Variants in PRKCA observed in about 807,000 individuals in gnomAD.
PRKCA encodes protein kinase C alpha.
In PRKCA, 27 loss-of-function variants were observed where a neutral mutation model predicts 87.0. The ratio of observed to expected loss-of-function variants is 0.31; its 90% CI spans 0.23 to 0.43. The LOEUF (loss-of-function observed/expected upper bound fraction) is 0.43. Among genes scored for constraint, PRKCA ranks in the 20% least tolerant of loss-of-function variants. The probability of loss-of-function intolerance (pLI) is 1.00; values close to 1 mark genes in which losing one functional copy is unlikely to be tolerated. For synonymous variants in PRKCA, 329 were observed against 311.1 expected (o/e 1.06, Z -0.61); for missense variants, 518 against 852.3 (o/e 0.61, Z 4.88).
At chr17:66,340,472 CAG>C (rs952706551) in intron 2 of PRKCA, among the ~76,000 whole-genome samples, 4 of 149,368 alleles carry the variant, frequency 2.7e-5, no homozygotes, top group South Asian at 2.1e-4. Context: ...TCAGAGCAGA[CAG>C]GGGTCCATAA....
intron 3 of PRKCA, among the ~76,000 whole-genome samples, chr17:66,583,497 T>C (rs571341526): frequency 1.3e-5 from 2 of 152,290 alleles, no homozygotes; most frequent in South Asian, 4.1e-4. Context: ...ATGGTCAGTT[T>C]CCTTTAGGGA....
intron 3 of PRKCA, among the ~76,000 whole-genome samples, chr17:66,536,857 G>GC (rs1184719543): frequency 2.4e-4 from 37 of 152,292 alleles, no homozygotes; most frequent in Admixed American, 8.5e-4. Context: ...ATCAGATTGA[G>GC]CACCATGTGG....
At chr17:66,425,729 A>G (rs1332002149) in intron 2 of PRKCA, among the ~76,000 whole-genome samples, 2 of 152,140 alleles carry the variant, frequency 1.3e-5, no homozygotes, top group Non-Finnish European at 1.5e-5. Context: ...TTCAGTTAGC[A>G]TATTATTTGT....
intron 2 of PRKCA, among the ~76,000 whole-genome samples, chr17:66,333,051 G>A (rs939598365): frequency 2.6e-5 from 4 of 152,122 alleles, no homozygotes; most frequent in African/African-American, 9.7e-5. Flanking sequence ...TTTATAGGAC[G>A]CTTAAGTGTT....
chr17:66,778,379 G>A (rs1313531629), intron 14 of PRKCA: 4 of 292,826 alleles, frequency 1.4e-5, no homozygotes, highest in Non-Finnish European at 2.0e-5. Flanking sequence ...AGCCGAGTGT[G>A]GTGGCGGGCG....
intron 3 of PRKCA, among the ~76,000 whole-genome samples, chr17:66,627,315 GA>G (rs113247411): frequency 3.5e-4 from 53 of 152,120 alleles, no homozygotes; most frequent in South Asian, 1.0e-3. Flanking sequence ...GGGTTGGGGG[GA>G]ATGTATCAAT....
intron 13 of PRKCA, among the ~76,000 whole-genome samples, chr17:66,759,442 A>T (rs1974631498): frequency 6.6e-6 from 1 of 152,050 alleles, no homozygotes. Flanking sequence ...GAAAAAAGGA[A>T]GTCACTGATA....
intron 2 of PRKCA, among the ~76,000 whole-genome samples, chr17:66,347,941 C>CTTTTTTTTTTTTTTTTTTTTGTTT (rs57292153): frequency 1.8e-5 from 1 of 56,440 alleles, no homozygotes; most frequent in Non-Finnish European, 3.3e-5. Context: ...AATTCTGAAC[C>CTTTTTTTTTTTTTTTTTTTTGTTT]TTTTTTTTTT....
intron 2 of PRKCA, among the ~76,000 whole-genome samples, chr17:66,354,410 G>T (rs183024100): frequency 1.3e-5 from 2 of 152,340 alleles, no homozygotes; most frequent in East Asian, 3.9e-4. Flanking sequence ...AATACTGTTG[G>T]TGGTGTAAAT....
intron 2 of PRKCA, among the ~76,000 whole-genome samples, chr17:66,423,044 G>A (rs923075748): frequency 6.6e-6 from 1 of 152,120 alleles, no homozygotes; most frequent in African/African-American, 2.4e-5. Context: ...CAGGGAGGTG[G>A]AGGTTGCAGT....
At chr17:66,367,841 A>G (rs1598619181) in intron 2 of PRKCA, among the ~76,000 whole-genome samples, 1 of 152,208 alleles carries the variant, frequency 6.6e-6, no homozygotes, top group Non-Finnish European at 1.5e-5. Context: ...TCACAAACCT[A>G]AAGTGAACAG....
intron 14 of PRKCA, among the ~76,000 whole-genome samples, chr17:66,776,381 G>A (rs1206737892): frequency 6.6e-6 from 1 of 152,066 alleles, no homozygotes; most frequent in Non-Finnish European, 1.5e-5. Context: ...CGCGATCTCA[G>A]CTCACTGCAC....
intron 2 of PRKCA, among the ~76,000 whole-genome samples, chr17:66,315,501 A>T (rs1905270896): frequency 6.8e-6 from 1 of 147,364 alleles, no homozygotes; most frequent in Non-Finnish European, 1.5e-5. Flanking sequence ...TTTTTCTGAG[A>T]CGGAGTCTTG....
rs368165487 is a variant in PRKCA, at chr17:66,517,056, C to T, written c.288+20773C>T. On this transcript the variant is annotated intron_variant, in intron 3 of 16. Transcript: ENST00000413366. ...ATCCCAGCACTTTGGGAAGCCGAGG[C>T]GGGCGGATCACGAGGTCAAGAAATC... 2.1e-4 allele frequency among the ~76,000 whole-genome samples: 32 copies of T among 152,260 alleles called. 1 individual carries two copies. In the East Asian group the frequency reaches 3.7e-3, roughly 18 times the overall value.
At chr17:66,604,442 A>T (rs905726672) in intron 3 of PRKCA, among the ~76,000 whole-genome samples, 1 of 152,180 alleles carries the variant, frequency 6.6e-6, no homozygotes, top group Non-Finnish European at 1.5e-5. Context: ...TGGAATAGAG[A>T]ATGTTTGCCA....
rs1009040266 is a variant in PRKCA at position 66,792,851 on chromosome 17, G to T, written c.1854+3872G>T. Among the ~76,000 whole-genome samples, 2 of 152,170 alleles carry T rather than the reference G, an allele frequency of 1.3e-5. No homozygotes were observed. The highest frequency in any genetic ancestry group is 2.9e-5 in the Non-Finnish European group (2 of 68,026). On this transcript the variant is annotated intron_variant, in intron 16 of 16. Coordinates refer to ENST00000413366, the MANE Select transcript of PRKCA (RefSeq NM_002737.3). The surrounding 1 kb of genome is among the most constrained non-coding windows in gnomAD (Gnocchi z 4.5). ...CCCATGGCGGTGGTCATCTCTCCTGGCAGTGGCAAGCCTGGAGGCTGAGAT... is the reference window on the plus strand; with the variant it reads ...CCCATGGCGGTGGTCATCTCTCCTGTCAGTGGCAAGCCTGGAGGCTGAGAT...
intron 2 of PRKCA, among the ~76,000 whole-genome samples, chr17:66,391,800 CTCTG>C (rs896255367): frequency 5.3e-5 from 8 of 152,196 alleles, no homozygotes; most frequent in East Asian, 1.9e-4. Flanking sequence ...GGCACACCCA[CTCTG>C]TCTATCTCCC....
At chr17:66,750,676 C>T (rs923035338) in intron 13 of PRKCA, among the ~76,000 whole-genome samples, 1 of 152,188 alleles carries the variant, frequency 6.6e-6, no homozygotes, top group African/African-American at 2.4e-5. Context: ...CCAGAAGTAA[C>T]CAGCTCCTGG....
In PRKCA at chr17:66,803,434, A is replaced by C. The variant is rs374025106; in HGVS notation, c.1855-439A>C. ...ACTACAAATATTGCGGCAAAAAAAC[A>C]GATGTGGGGCAGTAACTCACCCCGT... On this transcript the variant is annotated intron_variant, in intron 16 of 16. Transcript: ENST00000413366. This position sits in a 1 kb window ranked among gnomAD's most constrained non-coding sequence, Gnocchi z 4.4. Among the ~76,000 whole-genome samples, 9 of 152,336 alleles carry C rather than the reference A, an allele frequency of 5.9e-5. No individual in the cohort carries two copies. The East Asian group carries it at 7.7e-4, about 13-fold the overall frequency.
Sources: allele counts gnomAD v4.1 joint callset (sites outside exome capture counted in the v4.1 genomes callset), GRCh38; gene constraint gnomAD v4.1.1; non-coding constraint Gnocchi (gnomAD v3.1); transcripts MANE v1.5; gene names NCBI Gene and HGNC (gene_info 2026-07-23, HGNC 2026-07-21).